The following DNAH8 variants were observed in gnomAD, a reference collection of about 807,000 sequenced individuals.
DNAH8 encodes axonemal beta dynein heavy chain 8.
In DNAH8, 382 loss-of-function variants were observed where a neutral mutation model predicts 562.1. The ratio of observed to expected loss-of-function variants is 0.68; its 90% CI spans 0.63 to 0.74. The LOEUF is 0.74. Among genes scored for constraint, DNAH8 ranks in the 30% least tolerant of loss-of-function variants. DNAH8 has a pLI of 0.00. For missense variants in DNAH8, 5,203 were observed against 5,620.4 expected, an observed-to-expected ratio of 0.93 and a Z score of 2.37; for synonymous variants, 1,881 against 1,919.4, an observed-to-expected ratio of 0.98 and a Z score of 0.52.
intron 48 of DNAH8, among the ~76,000 whole-genome samples, 170 bp from the exon 49 acceptor site, chr6:38,870,231 C>T (rs112810274): frequency 3.0e-4 from 46 of 152,240 alleles, no homozygotes; most frequent in African/African-American, 1.1e-3. Flanking sequence ...GGGACACAGC[C>T]AAACCATATC....
At chr6:38,931,350 T>C (rs545794504) in intron 75 of DNAH8, 1 of 152,192 alleles carries the variant, frequency 6.6e-6, no homozygotes, top group Non-Finnish European at 1.5e-5. Context: ...ACTTTTTCTG[T>C]TGTCAAATAT....
chr6:38,881,740 A>G (rs1778509642), intron 53 of DNAH8, among the ~76,000 whole-genome samples: 1 of 152,028 alleles, frequency 6.6e-6, no homozygotes, highest in African/African-American at 2.4e-5. Context: ...TAGTAGAGAC[A>G]GGGTTTCTCC....
chr6:38,858,489 G>A (rs1487212840), intron 42 of DNAH8, among the ~76,000 whole-genome samples: 1 of 152,180 alleles, frequency 6.6e-6, no homozygotes, highest in Non-Finnish European at 1.5e-5. Context: ...AGGACATCCA[G>A]TCAGTCCGTC....
intron 91 of DNAH8, among the ~76,000 whole-genome samples, chr6:39,022,371 G>C (rs748507331): frequency 6.6e-6 from 1 of 152,184 alleles, no homozygotes; most frequent in Middle Eastern, 3.2e-3. Context: ...CCAGGCCTCA[G>C]ACTTTCCAGC....
chr6:38,783,676 G>A (rs1348279881), intron 17 of DNAH8, among the ~76,000 whole-genome samples: 1 of 152,136 alleles, frequency 6.6e-6, no homozygotes, highest in Non-Finnish European at 1.5e-5. Flanking sequence ...GGCTTTGGGC[G>A]GAGTTAAATG....
chr6:38,843,871 T>TCTAG (rs1775048663), intron 35 of DNAH8, among the ~76,000 whole-genome samples: 3 of 152,174 alleles, frequency 2.0e-5, no homozygotes, highest in African/African-American at 4.8e-5. Flanking sequence ...GTTTTCCTTG[T>TCTAG]CTAGTGGCTT....
intron 35 of DNAH8, among the ~76,000 whole-genome samples, chr6:38,844,262 C>G (rs768549494): frequency 1.9e-4 from 29 of 152,176 alleles, no homozygotes; most frequent in Admixed American, 3.3e-4. Flanking sequence ...GTTTGCATAG[C>G]TTTTCCACTT....
chr6:38,781,409 G>A (rs1768598165), intron 16 of DNAH8, 36 bp downstream of exon 16: 1 of 1,608,884 alleles, frequency 6.2e-7, no homozygotes, highest in Non-Finnish European at 8.5e-7. Flanking sequence ...TGTGGATTTT[G>A]GTGGTTTTAA....
Position 38,923,987 on chromosome 6 carries a change from A to G in DNAH8, c.10791-4A>G. The stretch of plus-strand genomic sequence containing the variant: ...GGGGAGGGGGCTGTGTGTTTTCTTC[A>G]CAGACTTGTAGGTGATATTCTGCTG... On this transcript the variant is annotated splice_region_variant and splice_polypyrimidine_tract_variant and intron_variant, in intron 72 of 92. Coordinates refer to ENST00000327475, the MANE Select transcript of DNAH8 (RefSeq NM_001206927.2). The G allele has an allele frequency of 6.2e-7, 1 of 1,613,754 alleles. No homozygotes were observed. Among genetic ancestry groups the G allele is most frequent in the East Asian group, 2.2e-5 (1 of 44,858 alleles).
intron 17 of DNAH8, among the ~76,000 whole-genome samples, chr6:38,783,962 C>T (rs916823849): frequency 2.0e-5 from 3 of 152,152 alleles, no homozygotes; most frequent in East Asian, 3.9e-4. Flanking sequence ...GTTGCTGGAA[C>T]GGTGGTGAGA....
chr6:38,978,591 G>A (rs558061245), intron 85 of DNAH8, among the ~76,000 whole-genome samples: 5 of 152,124 alleles, frequency 3.3e-5, no homozygotes, highest in Admixed American at 6.5e-5. Flanking sequence ...CCCTTACATT[G>A]TCTAGTGTGG....
intron 53 of DNAH8, among the ~76,000 whole-genome samples, chr6:38,880,455 A>T (rs1053408515): frequency 9.2e-5 from 14 of 152,026 alleles, no homozygotes; most frequent in Admixed American, 7.2e-4. Context: ...CGATGGGGGG[A>T]AAAATCTCTT....
Position 38,781,272 on chromosome 6 carries a change from G to T in DNAH8, c.2158G>T (p.Asp720Tyr). The T allele has an allele frequency of 6.2e-7, 1 of 1,613,672 alleles. No individual in the cohort carries two copies. The highest frequency in any genetic ancestry group is 8.5e-7 in the Non-Finnish European group (1 of 1,179,820). The change falls in exon 16 of 93, where the codon GAT becomes TAT. Residue 720 changes from aspartate (D) to tyrosine (Y), a missense_variant. By Grantham distance (160) the Asp-to-Tyr change is radical. Transcript: ENST00000327475. ...ATKKLYHSQK[D>Y]DPPLARNMPP... is the part of the protein sequence containing the mutation. ...ATTACAGCTTTATCATTCTCAGAAA[G>T]ATGACCCCCCTCTTGCTCGCAACAT...
intron 12 of DNAH8, among the ~76,000 whole-genome samples, chr6:38,771,051 A>G (rs967001105): frequency 2.0e-5 from 3 of 152,174 alleles, no homozygotes; most frequent in African/African-American, 4.8e-5. Context: ...AAGGAGTGAC[A>G]TTTTTTTGGG....
intron 24 of DNAH8, 60 bp from the exon 25 acceptor site, chr6:38,813,994 A>G (rs1772024183): frequency 1.6e-6 from 2 of 1,216,346 alleles, no homozygotes; most frequent in African/African-American, 3.0e-5. Flanking sequence ...TTGTAGCATA[A>G]TAAACTAACA....
At chr6:38,907,762 T>C (rs922594317) in intron 63 of DNAH8, among the ~76,000 whole-genome samples, 194 bp from the exon 64 acceptor site, 7 of 152,218 alleles carry the variant, frequency 4.6e-5, no homozygotes, top group African/African-American at 7.2e-5. Flanking sequence ...ACACAATTAG[T>C]TCTTGATTGA....
intron 58 of DNAH8, among the ~76,000 whole-genome samples, chr6:38,892,357 A>G (rs1779393139): frequency 6.6e-6 from 1 of 152,124 alleles, no homozygotes; most frequent in Admixed American, 6.5e-5. Flanking sequence ...TACTCATCTC[A>G]AAGTTACCAT....
chr6:38,796,724 C>T (rs1427879383), intron 21 of DNAH8, among the ~76,000 whole-genome samples: 1 of 152,146 alleles, frequency 6.6e-6, no homozygotes, highest in Non-Finnish European at 1.5e-5. Context: ...TCACAATCCT[C>T]TCATGGGGAC....
intron 8 of DNAH8, among the ~76,000 whole-genome samples, chr6:38,749,091 A>C (rs1160038809): frequency 6.6e-6 from 1 of 152,016 alleles, no homozygotes; most frequent in African/African-American, 2.4e-5. Context: ...AAGAGGTTGA[A>C]GCTATTAAGA....
Sources: gnomAD v4.1 joint callset for allele counts (sites outside exome capture counted in the v4.1 genomes callset) on GRCh38, gnomAD v4.1.1 for gene constraint, MANE v1.5 for transcripts, NCBI Gene and HGNC (gene_info 2026-07-23, HGNC 2026-07-21) for gene names.